Variants in THSD4 observed in about 807,000 individuals in gnomAD.
The protein encoded by THSD4 is thrombospondin type-1 domain-containing protein 4.
THSD4 carries 69 observed loss-of-function variants against 119.0 expected under a neutral mutation model. That is an observed-to-expected ratio of 0.58 (90% CI 0.48 to 0.71). THSD4 has a LOEUF of 0.71. Ranked by LOEUF, THSD4 falls within the 30% of genes least tolerant of loss-of-function variation. The pLI is 0.00. For missense variants in THSD4, 1,393 were observed against 1,391.1 expected, an observed-to-expected ratio of 1.00 and a Z score of -0.02; for synonymous variants, 524 against 540.4, an observed-to-expected ratio of 0.97 and a Z score of 0.42.
At chr15:71,633,382 C>T (rs535803233) in intron 7 of THSD4, among the ~76,000 whole-genome samples, 1 of 149,798 alleles carries the variant, frequency 6.7e-6, no homozygotes, top group South Asian at 2.1e-4. Flanking sequence ...TTCAAGCCAT[C>T]CTCCCATCTC....
intron 4 of THSD4, among the ~76,000 whole-genome samples, chr15:71,240,937 A>C (rs1054523885): frequency 1.3e-5 from 2 of 152,200 alleles, no homozygotes; most frequent in Admixed American, 1.3e-4. Flanking sequence ...AGAAAGACCT[A>C]AATGCAAAAT....
At chr15:71,440,407 T>C (rs1049465568) in intron 7 of THSD4, among the ~76,000 whole-genome samples, 1 of 152,222 alleles carries the variant, frequency 6.6e-6, no homozygotes, top group Non-Finnish European at 1.5e-5. Context: ...ATATATGATA[T>C]AAATAAAATA....
rs59947673 is a variant in THSD4 at position 71,664,204 on chromosome 15, G to C, written c.1357+3470G>C. Among the ~76,000 whole-genome samples the C allele has an allele frequency of 5.7e-3, 864 of 151,842 alleles. 10 individuals are homozygous for C. Among genetic ancestry groups the C allele is most frequent in the African/African-American group, 0.02 (807 of 41,378 alleles). ...TCACCGTGTTAGCCAGGATGGTCTC[G>C]ATCTCCTGACCTCGTGATCCGCCCG... is the stretch of plus-strand genomic sequence containing the variant. On this transcript the variant is annotated intron_variant, in intron 8 of 17. Coordinates refer to ENST00000261862, the MANE Select transcript of THSD4 (RefSeq NM_024817.3).
Position 71,377,902 on chromosome 15 carries a change from A to C in THSD4, c.1016-33785A>C, listed in dbSNP as rs796454684. Among the ~76,000 whole-genome samples, 130 of 91,764 alleles carry C rather than the reference A, an allele frequency of 1.4e-3. 1 individual carries two copies. The highest frequency in any genetic ancestry group is 5.1e-3 in the African/African-American group (119 of 23,368). The allele number at this position is 91,764 out of a possible 152,430, so 60.2% of individuals were successfully genotyped here. A position where few individuals can be genotyped will look rare whatever the true frequency, so the allele number is the denominator to read the frequency against. On this transcript the variant is annotated intron_variant, in intron 6 of 17. Coordinates refer to ENST00000261862, the MANE Select transcript of THSD4 (RefSeq NM_024817.3). ...CACACACACACACACACACACACAC[A>C]CACACACACACAATTTCCTTCAGTG...
At chr15:71,541,467 T>C (rs55829501) in intron 7 of THSD4, among the ~76,000 whole-genome samples, 12,494 of 152,248 alleles carry the variant, frequency 0.082, 1,172 homozygotes, top group East Asian at 0.45. Context: ...AGGTAACCAT[T>C]GTTGGTAGTC....
intron 5 of THSD4, among the ~76,000 whole-genome samples, chr15:71,253,863 T>C (rs2044286110): frequency 6.6e-6 from 1 of 152,206 alleles, no homozygotes. Flanking sequence ...ATACACACAC[T>C]CCACACACAT....
intron 6 of THSD4, among the ~76,000 whole-genome samples, chr15:71,321,275 C>CA (rs113893395): frequency 0.061 from 9,296 of 152,254 alleles, 293 homozygotes; most frequent in African/African-American, 0.078. Context: ...GTGGCTCAAG[C>CA]CTGTAATCCC....
At chr15:71,393,125 C>T (rs2046397743) in intron 6 of THSD4, among the ~76,000 whole-genome samples, 1 of 151,852 alleles carries the variant, frequency 6.6e-6, no homozygotes, top group African/African-American at 2.4e-5. Flanking sequence ...GAATGAAAGC[C>T]AAGCTTACTC....
At chr15:71,755,706 C>CAAAAAAAAAAAAAAAAAAAAAAA (rs10555546) in intron 14 of THSD4, among the ~76,000 whole-genome samples, 1 of 50,280 alleles carries the variant, frequency 2.0e-5, no homozygotes, top group African/African-American at 6.1e-5. Context: ...TCAGCAAAGA[C>CAAAAAAAAAAAAAAAAAAAAAAA]AAAAAAAAAA....
intron 8 of THSD4, among the ~76,000 whole-genome samples, chr15:71,704,957 T>G (rs1449771666): frequency 6.6e-6 from 1 of 152,168 alleles, no homozygotes; most frequent in Non-Finnish European, 1.5e-5. Flanking sequence ...AAAAGTCCAC[T>G]TTGGGCCTTC....
intron 7 of THSD4, among the ~76,000 whole-genome samples, chr15:71,468,992 C>G (rs1022107699): frequency 6.6e-6 from 1 of 152,188 alleles, no homozygotes; most frequent in African/African-American, 2.4e-5. Flanking sequence ...GTGTCTGAAA[C>G]CTGGTGGTTC....
chr15:71,273,509 A>G (rs1326840998), intron 6 of THSD4, among the ~76,000 whole-genome samples: 1 of 152,146 alleles, frequency 6.6e-6, no homozygotes, highest in Admixed American at 6.5e-5. Context: ...ATAATAATGT[A>G]TATTTCAAAG....
At chr15:71,283,112 G>A (rs1283022175) in intron 6 of THSD4, among the ~76,000 whole-genome samples, 2 of 152,044 alleles carry the variant, frequency 1.3e-5, no homozygotes, top group African/African-American at 4.8e-5. Flanking sequence ...TGGGACTACA[G>A]GCGCGTGCCA....
rs373130497 is a variant in THSD4 at position 71,755,801 on chromosome 15, G to A, written c.2416-2101G>A. Among the ~76,000 whole-genome samples the A allele has an allele frequency of 1.8e-4, 27 of 151,380 alleles. 1 individual carries two copies. The highest frequency in any genetic ancestry group is 1.7e-3 in the Admixed American group (26 of 15,214). On this transcript the variant is annotated intron_variant, in intron 14 of 17. Coordinates refer to ENST00000261862, the MANE Select transcript of THSD4 (RefSeq NM_024817.3). ...CATAGAGTGCCATGAGAATTCCAAG[G>A]CTTGAAAGAACATCTTAAATTGGAC...
chr15:71,127,557 C>G (rs184502641), intron 1 of THSD4, among the ~76,000 whole-genome samples: 1 of 152,278 alleles, frequency 6.6e-6, no homozygotes, highest in African/African-American at 2.4e-5. Context: ...TCTTTTTCTC[C>G]ACATACTCAC....
intron 6 of THSD4, among the ~76,000 whole-genome samples, chr15:71,409,009 C>T (rs1040311567): frequency 3.3e-5 from 5 of 152,106 alleles, no homozygotes; most frequent in African/African-American, 1.2e-4. Flanking sequence ...TTATTTATCT[C>T]CTAGCTGCAG....
Position 71,586,325 on chromosome 15 carries a change from CTG to C in THSD4, c.1153-74204_1153-74203del, listed in dbSNP as rs1162216097. On this transcript the variant is annotated intron_variant, in intron 7 of 17. Coordinates refer to ENST00000261862, the MANE Select transcript of THSD4 (RefSeq NM_024817.3). ...GTCACAATTTCTATAGGTCAGAAGT[CTG>C]GGCACAGCATGACTAGGTTTTCTGT... Among the ~76,000 whole-genome samples the C allele has an allele frequency of 2.6e-5, 4 of 152,298 alleles. No homozygotes were observed. The South Asian group carries it at 6.2e-4, about 24-fold the overall frequency.
intron 7 of THSD4, among the ~76,000 whole-genome samples, chr15:71,586,940 A>C (rs1343204777): frequency 1.3e-5 from 2 of 152,234 alleles, no homozygotes; most frequent in African/African-American, 4.8e-5. Flanking sequence ...GCACATAGGA[A>C]TAAGCCCATC....
intron 7 of THSD4, among the ~76,000 whole-genome samples, chr15:71,534,945 C>T (rs1299587151): frequency 2.0e-5 from 3 of 152,026 alleles, no homozygotes; most frequent in East Asian, 1.9e-4. Context: ...GGTGACAGAG[C>T]GAGACTCCGT....
Sources: allele counts gnomAD v4.1 joint callset (sites outside exome capture counted in the v4.1 genomes callset), GRCh38; gene constraint gnomAD v4.1.1; transcripts MANE v1.5; gene names NCBI Gene and HGNC (gene_info 2026-07-23, HGNC 2026-07-21).